Variants in PCNT observed in about 807,000 individuals in gnomAD.
The protein encoded by PCNT is kendrin.
In PCNT, 319 loss-of-function variants were observed where a neutral mutation model predicts 380.4. That is an observed-to-expected ratio of 0.84 (90% CI 0.77 to 0.92). The LOEUF (loss-of-function observed/expected upper bound fraction) is 0.92. Among genes scored for constraint, PCNT ranks in the 40% least tolerant of loss-of-function variants. PCNT has a pLI of 0.00. For synonymous variants in PCNT, 1,845 were observed against 1,735.2 expected (o/e 1.06, Z -1.57); for missense variants, 4,400 against 4,255.3 (o/e 1.03, Z -0.95).
intron 29 of PCNT, among the ~76,000 whole-genome samples, chr21:46,414,496 C>G (rs2086932538): frequency 6.7e-6 from 1 of 148,394 alleles, no homozygotes; most frequent in Non-Finnish European, 1.5e-5. Flanking sequence ...TCTCCTCTTC[C>G]TCCTCCTTCT....
At chr21:46,415,778 A>G (rs980803928) in intron 29 of PCNT, among the ~76,000 whole-genome samples, 5 of 152,092 alleles carry the variant, frequency 3.3e-5, no homozygotes, top group South Asian at 4.2e-4. Context: ...ATAAACCACA[A>G]TTTTGTGTTT....
intron 15 of PCNT, among the ~76,000 whole-genome samples, chr21:46,367,978 G>A (rs1983472091): frequency 6.6e-6 from 1 of 152,050 alleles, no homozygotes; most frequent in Non-Finnish European, 1.5e-5. Flanking sequence ...TTTGAAACCA[G>A]CCTGTGGGCT....
At chr21:46,369,026 C>G (rs576404143) in intron 15 of PCNT, among the ~76,000 whole-genome samples, 2 of 152,318 alleles carry the variant, frequency 1.3e-5, no homozygotes, top group African/African-American at 4.8e-5. Flanking sequence ...GTGGAACCTT[C>G]TTTAATCGCT....
At position 46,412,897 on chromosome 21, in the gene PCNT, G is replaced by A. The variant is rs752870005; in HGVS notation, c.6055G>A (p.Val2019Met). 28 of 1,612,850 alleles carry A rather than the reference G, an allele frequency of 1.7e-5. No homozygotes were observed. In the African/African-American group the frequency reaches 2.4e-4, roughly 14 times the overall value. The change falls in exon 29 of 47, where the codon GTG becomes ATG. Residue 2019 changes from valine to methionine, a missense_variant. Val to Met is a conservative substitution (Grantham distance 21). Coordinates refer to ENST00000359568, the MANE Select transcript of PCNT (RefSeq NM_006031.6). ...TGCACCTCTCTGCAAGCAAGAAGGC[G>A]TGATGTCAGTGCTCACCGTCTGCCA... ...KDAPLCKQEGVMSVLTVCQRQ... is the reference protein window; with the variant it reads ...KDAPLCKQEGMMSVLTVCQRQ...
In PCNT at chr21:46,442,834, T is replaced by C. The variant is rs916102988; in HGVS notation, c.9700+261T>C. The C allele has an allele frequency of 7.4e-6, 4 of 542,096 alleles. No individual in the cohort carries two copies. In the African/African-American group the frequency reaches 7.6e-5, roughly 10 times the overall value. The allele number at this position is 542,096 out of a possible 1,614,324, so 33.6% of individuals were successfully genotyped here. ...TGAGATGCTCAATATATTGATTATT[T>C]AATAGTGTTTAGCAAAATGGTCTTT... is the stretch of plus-strand genomic sequence containing the variant. On this transcript the variant is annotated intron_variant, in intron 44 of 46. Transcript: ENST00000359568.
intron 4 of PCNT, 80 bp downstream of exon 4, chr21:46,346,288 T>TGGGGGGGGGGGG: frequency 3.9e-5 from 21 of 540,894 alleles, no homozygotes; most frequent in East Asian, 9.0e-5. Flanking sequence ...CGGGTGGGGG[T>TGGGGGGGGGGGG]GGGGTGGGCG....
intron 33 of PCNT, 146 bp downstream of exon 33, chr21:46,426,117 C>A: frequency 1.3e-6 from 1 of 757,496 alleles, no homozygotes. Flanking sequence ...TCACTGCAAC[C>A]TCCACCACCC....
intron 39 of PCNT, among the ~76,000 whole-genome samples, chr21:46,436,496 C>T (rs1320673368): frequency 3.6e-5 from 5 of 138,694 alleles, no homozygotes; most frequent in African/African-American, 7.9e-5. Flanking sequence ...CCCGCTGGCA[C>T]TGCCCAGTGT....
Position 46,397,437 on chromosome 21 carries a change from G to A in PCNT, c.4389G>A (p.Leu1463=). 3 of 1,614,162 alleles carry A rather than the reference G, an allele frequency of 1.9e-6. No individual in the cohort carries two copies. Among genetic ancestry groups the A allele is most frequent in the Non-Finnish European group, 2.5e-6 (3 of 1,180,036 alleles). ...AGCAGGCGGAGGCCGTCACTGCCCT[G>A]GAACAGCAGGTGGCATCTCTGGACA... ...CAKQAEAVTA[L]EQQVASLDKH... Residue 1463 remains leucine (L), a synonymous_variant, in exon 22 of 47, where the codon CTG becomes CTA. Transcript: ENST00000359568.
rs1028126343 is a variant in PCNT at position 46,334,153 on chromosome 21, T to C, written c.268-244T>C. On this transcript the variant is annotated intron_variant, in intron 2 of 46. Transcript: ENST00000359568. ...CCAGGAGGCGGAGATTGCAGTGAGC[T>C]GAGATTGTGCCACTGCACTCCAGCC... Among the ~76,000 whole-genome samples the C allele has an allele frequency of 3.4e-5, 5 of 147,370 alleles. No homozygotes were observed. The South Asian group carries it at 6.4e-4, about 19-fold the overall frequency.
rs572542897 is a variant in PCNT, at chr21:46,389,903, T to C, written c.3840+472T>C. On this transcript the variant is annotated intron_variant, in intron 19 of 46. Coordinates refer to ENST00000359568, the MANE Select transcript of PCNT (RefSeq NM_006031.6). ...AGCCCACGAGCTCATCTTGTAGCTCTGGCGCTGGAGGAGATGTGGTCTGAT... is the reference window on the plus strand; with the variant it reads ...AGCCCACGAGCTCATCTTGTAGCTCCGGCGCTGGAGGAGATGTGGTCTGAT... 1.1e-3 allele frequency among the ~76,000 whole-genome samples: 173 copies of C among 152,326 alleles called. 1 individual carries two copies. The highest frequency in any genetic ancestry group is 2.3e-3 in the Non-Finnish European group (155 of 68,026).
chr21:46,356,473 C>T (rs1041537525), intron 12 of PCNT, among the ~76,000 whole-genome samples: 1 of 152,212 alleles, frequency 6.6e-6, no homozygotes. Context: ...CTGCTTTTTT[C>T]CTCTTCTGCA....
intron 12 of PCNT, among the ~76,000 whole-genome samples, chr21:46,356,015 G>A (rs1214585800): frequency 1.3e-5 from 2 of 152,208 alleles, no homozygotes; most frequent in Non-Finnish European, 2.9e-5. Flanking sequence ...ACCCCAGCTC[G>A]CCTAGTCAGA....
chr21:46,366,542 T>A (rs779367246), intron 14 of PCNT, 42 bp from the exon 15 acceptor site: 1 of 1,542,682 alleles, frequency 6.5e-7, no homozygotes, highest in African/African-American at 1.4e-5. Context: ...CATTGCTTCC[T>A]GATGCATGTT....
At chr21:46,386,388 T>C (rs1162928639) in intron 17 of PCNT, among the ~76,000 whole-genome samples, 1 of 152,244 alleles carries the variant, frequency 6.6e-6, no homozygotes, top group Non-Finnish European at 1.5e-5. Flanking sequence ...TGTGTGCAAG[T>C]GTCGTGCCTC....
chr21:46,327,325 C>T (rs992220327), intron 2 of PCNT, among the ~76,000 whole-genome samples: 1 of 152,076 alleles, frequency 6.6e-6, no homozygotes, highest in African/African-American at 2.4e-5. Context: ...TCCCAAAGTG[C>T]TGGGATTATA....
intron 26 of PCNT, 89 bp downstream of exon 26, chr21:46,401,810 A>G (rs2086438439): frequency 2.4e-6 from 3 of 1,252,052 alleles, no homozygotes; most frequent in South Asian, 2.4e-5. Flanking sequence ...CAGATAACAC[A>G]GGCGATGGGC....
intron 15 of PCNT, 94 bp from the exon 16 acceptor site, chr21:46,381,600 A>G (rs2147144030): frequency 2.6e-6 from 3 of 1,160,650 alleles, no homozygotes; most frequent in East Asian, 2.3e-5. Flanking sequence ...TGGGGGCTCC[A>G]TGCATATCTG....
intron 3 of PCNT, among the ~76,000 whole-genome samples, chr21:46,345,904 G>A (rs1028133359): frequency 7.9e-5 from 12 of 152,176 alleles, no homozygotes; most frequent in African/African-American, 2.9e-4. Context: ...AGCCTGAGTT[G>A]GGGCTTCGTT....
Sources: gnomAD v4.1 joint callset for allele counts (sites outside exome capture counted in the v4.1 genomes callset) on GRCh38, gnomAD v4.1.1 for gene constraint, MANE v1.5 for transcripts, NCBI Gene and HGNC (gene_info 2026-07-23, HGNC 2026-07-21) for gene names.